Variants in ABTB3 observed in about 807,000 individuals in gnomAD.
ABTB3 encodes the protein ankyrin repeat- and BTB/POZ domain-containing protein 3.
the ABTB3 span, among the ~76,000 whole-genome samples, chr12:107,409,558 A>G: frequency 2.0e-5 from 3 of 152,264 alleles, no homozygotes; most frequent in Non-Finnish European, 4.4e-5. Context: ...CTTTGCAGCG[A>G]CATGGATAGA....
At chr12:107,506,307 CTT>C in the ABTB3 span, among the ~76,000 whole-genome samples, 1 of 152,186 alleles carries the variant, frequency 6.6e-6, no homozygotes, top group Admixed American at 6.5e-5. Context: ...AGACCAATAA[CTT>C]TGCCTGCATT....
chr12:107,606,269 T>G, the ABTB3 span, among the ~76,000 whole-genome samples: 1 of 152,352 alleles, frequency 6.6e-6, no homozygotes, highest in African/African-American at 2.4e-5. Flanking sequence ...TTTGAGTTCA[T>G]ACATAGAAAG....
At chr12:107,391,429 C>A in the ABTB3 span, among the ~76,000 whole-genome samples, 1 of 152,088 alleles carries the variant, frequency 6.6e-6, no homozygotes, top group South Asian at 2.1e-4. Flanking sequence ...AGTGGGTAAA[C>A]CAGCTTGGCC....
the ABTB3 span, among the ~76,000 whole-genome samples, chr12:107,655,743 C>CTTT: frequency 6.6e-6 from 1 of 152,136 alleles, no homozygotes; most frequent in Admixed American, 6.5e-5. Flanking sequence ...TTAGCCAGCT[C>CTTT]TTTTTTCCTA....
At chr12:107,599,412 G>T in the ABTB3 span, among the ~76,000 whole-genome samples, 2 of 152,196 alleles carry the variant, frequency 1.3e-5, no homozygotes, top group Non-Finnish European at 2.9e-5. Context: ...TGCTGTGTCC[G>T]CATGCATTTC....
the ABTB3 span, chr12:107,617,666 T>A: frequency 1.8e-6 from 1 of 545,030 alleles, no homozygotes; most frequent in Non-Finnish European, 3.2e-6. Flanking sequence ...TGGCCAGCTT[T>A]AAACTCACAG....
the ABTB3 span, among the ~76,000 whole-genome samples, chr12:107,491,209 C>A: frequency 2.6e-5 from 4 of 152,168 alleles, no homozygotes; most frequent in Non-Finnish European, 5.9e-5. Context: ...ATGGCTCCTT[C>A]GCCCTGAGCC....
At chr12:107,616,501 T>C in the ABTB3 span, among the ~76,000 whole-genome samples, 2 of 152,242 alleles carry the variant, frequency 1.3e-5, no homozygotes, top group African/African-American at 4.8e-5. Flanking sequence ...TGAAGTCTTA[T>C]GAAGCAAAAC....
At chr12:107,638,954 T>C in the ABTB3 span, among the ~76,000 whole-genome samples, 25 of 152,302 alleles carry the variant, frequency 1.6e-4, no homozygotes, top group Middle Eastern at 6.8e-3. Context: ...GGATACATCA[T>C]AGCATGATGA....
At chr12:107,348,364 T>C in the ABTB3 span, among the ~76,000 whole-genome samples, 2 of 152,178 alleles carry the variant, frequency 1.3e-5, no homozygotes. Flanking sequence ...AAATGTGTCC[T>C]GACCACCTAA....
the ABTB3 span, among the ~76,000 whole-genome samples, chr12:107,391,094 T>G: frequency 4.5e-4 from 68 of 152,286 alleles, 1 homozygote; most frequent in Admixed American, 3.0e-3. Context: ...GAGGTTGCAG[T>G]GAGCCAAGAT....
the ABTB3 span, among the ~76,000 whole-genome samples, chr12:107,360,891 C>A: frequency 6.7e-6 from 1 of 150,140 alleles, no homozygotes; most frequent in Non-Finnish European, 1.5e-5. Flanking sequence ...GTAGCTGGGA[C>A]TATAGACATG....
At chr12:107,470,014 C>T in the ABTB3 span, among the ~76,000 whole-genome samples, 927 of 64,216 alleles carry the variant, frequency 0.014, 11 homozygotes, top group East Asian at 0.02. Flanking sequence ...CTTTCTTTCT[C>T]TCTCTCTCTC....
chr12:107,605,791 G>C, the ABTB3 span, among the ~76,000 whole-genome samples: 15 of 152,240 alleles, frequency 9.9e-5, no homozygotes, highest in Non-Finnish European at 1.6e-4. Flanking sequence ...AGAGATGGAT[G>C]CTGGTCTTTG....
the ABTB3 span, among the ~76,000 whole-genome samples, chr12:107,333,265 G>C: frequency 5.9e-5 from 9 of 152,254 alleles, no homozygotes; most frequent in East Asian, 1.4e-3. Flanking sequence ...TAAGTCAGAT[G>C]GTCTGTAGAG....
the ABTB3 span, among the ~76,000 whole-genome samples, chr12:107,397,622 A>G: frequency 1.3e-5 from 2 of 152,002 alleles, no homozygotes; most frequent in Non-Finnish European, 2.9e-5. Flanking sequence ...AAATTTTGTT[A>G]TGGTCAAATT....
chr12:107,600,669 C>T, the ABTB3 span, among the ~76,000 whole-genome samples: 1 of 152,228 alleles, frequency 6.6e-6, no homozygotes, highest in African/African-American at 2.4e-5. Context: ...GGAAAAGTGA[C>T]TTTTCCTCTC....
At chr12:107,440,826 A>C in the ABTB3 span, among the ~76,000 whole-genome samples, 23 of 152,346 alleles carry the variant, frequency 1.5e-4, no homozygotes, top group African/African-American at 5.5e-4. Context: ...TGTGACAATA[A>C]AGATAACAGC....
At chr12:107,530,757 C>T in the ABTB3 span, among the ~76,000 whole-genome samples, 1 of 152,094 alleles carries the variant, frequency 6.6e-6, no homozygotes, top group African/African-American at 2.4e-5. Context: ...TTTTTAAACA[C>T]TTGTTTGTCA....
Sources: allele counts gnomAD v4.1 joint callset (sites outside exome capture counted in the v4.1 genomes callset), GRCh38; gene constraint gnomAD v4.1.1; transcripts MANE v1.5; gene names NCBI Gene and HGNC (gene_info 2026-07-23, HGNC 2026-07-21).